The following CELF2 variants were observed in gnomAD, a reference collection of about 807,000 sequenced individuals.
The protein encoded by CELF2 is CUGBP Elav-like family member 2.
Under a neutral mutation model 62.6 loss-of-function variants are expected in CELF2, and 8 were observed. The observed-to-expected ratio is 0.13, with a 90% CI of 0.07 to 0.23. The LOEUF is 0.23. Among genes scored for constraint, CELF2 ranks in the 10% least tolerant of loss-of-function variants. The pLI is 1.00. For missense variants in CELF2, 333 were observed against 671.0 expected (o/e 0.50, Z 5.56); for synonymous variants, 258 against 250.0 (o/e 1.03, Z -0.30).
At chr10:11,013,442 G>T (rs1364697170), upstream of CELF2, among the ~76,000 whole-genome samples, 1 of 152,142 alleles carries the variant, frequency 6.6e-6, no homozygotes, top group Non-Finnish European at 1.5e-5. This position sits in a 1 kb window ranked among gnomAD's most constrained non-coding sequence, Gnocchi z 4.1. Flanking sequence ...CCACGCTAGT[G>T]GGGTCCCTCC....
the CELF2 span, among the ~76,000 whole-genome samples, chr10:10,595,728 TC>T: frequency 6.6e-6 from 1 of 152,102 alleles, no homozygotes; most frequent in Non-Finnish European, 1.5e-5. Context: ...AACCCCCATC[TC>T]TACAAAAAAT....
intron 1 of CELF2, among the ~76,000 whole-genome samples, chr10:10,870,226 C>T (rs7904832): frequency 0.3 from 45,049 of 151,520 alleles, 8,142 homozygotes; most frequent in East Asian, 0.73. Flanking sequence ...AATAAATATA[C>T]TTTAAAAGAT....
chr10:11,239,421 G>C (rs2072917403), intron 3 of CELF2, among the ~76,000 whole-genome samples: 1 of 152,262 alleles, frequency 6.6e-6, no homozygotes, highest in East Asian at 1.9e-4. Flanking sequence ...AGGTGACCGA[G>C]AAAGGCCATT....
At chr10:11,167,257 G>C (rs2067490360) in intron 2 of CELF2, among the ~76,000 whole-genome samples, 1 of 152,188 alleles carries the variant, frequency 6.6e-6, no homozygotes, top group Non-Finnish European at 1.5e-5. Context: ...AAAGACAATA[G>C]GCTAGAGCTA....
chr10:10,659,772 C>G, the CELF2 span, among the ~76,000 whole-genome samples: 213 of 152,312 alleles, frequency 1.4e-3, 1 homozygote, highest in African/African-American at 4.9e-3. Context: ...CCAGCCCTAC[C>G]TGGCCTCTCC....
chr10:10,829,023 A>C (rs2057635783), intron 1 of CELF2, among the ~76,000 whole-genome samples: 1 of 152,240 alleles, frequency 6.6e-6, no homozygotes, highest in African/African-American at 2.4e-5. Flanking sequence ...AGAGGGGATC[A>C]AATGGAAAAG....
chr10:10,737,188 A>G, the CELF2 span, among the ~76,000 whole-genome samples: 3 of 152,144 alleles, frequency 2.0e-5, no homozygotes, highest in African/African-American at 7.2e-5. Context: ...CAAATGTTTG[A>G]AACGTTATCT....
chr10:10,564,646 A>ACACACACACACACACACACACACACACG, the CELF2 span, among the ~76,000 whole-genome samples: 1 of 87,224 alleles, frequency 1.1e-5, no homozygotes, highest in African/African-American at 5.7e-5. Flanking sequence ...CTGAATACAC[A>ACACACACACACACACACACACACACACG]CACACACACA....
chr10:10,742,313 C>G, the CELF2 span, among the ~76,000 whole-genome samples: 2 of 151,976 alleles, frequency 1.3e-5, no homozygotes, highest in Non-Finnish European at 2.9e-5. Flanking sequence ...ATCCATACAC[C>G]CTTTTCTCCA....
At chr10:10,554,137 A>G in the CELF2 span, among the ~76,000 whole-genome samples, 1 of 152,006 alleles carries the variant, frequency 6.6e-6, no homozygotes. Context: ...CTGATATAAG[A>G]GTGATAAGGG....
intron 2 of CELF2, among the ~76,000 whole-genome samples, chr10:11,198,378 G>A (rs1192087056): frequency 6.6e-6 from 1 of 152,184 alleles, no homozygotes; most frequent in Non-Finnish European, 1.5e-5. Context: ...GGTTGTGATG[G>A]TCAGACCTCC....
Position 10,975,794 on chromosome 10 carries a change from C to T in CELF2, c.89+55795C>T, listed in dbSNP as rs544072118. ...TCTTGGCTTCATTCAGGAAAGAAAT[C>T]GAGGGCAAGCCAGTGGTGTGAGAGA... On this transcript the variant is annotated intron_variant, in intron 2 of 13. Coordinates refer to the CELF2 transcript ENST00000636488. 5.3e-5 allele frequency among the ~76,000 whole-genome samples: 8 copies of T among 152,334 alleles called. No individual in the cohort carries two copies. In the East Asian group the frequency reaches 7.7e-4, roughly 15 times the overall value.
rs141738695 is a variant in CELF2, at chr10:11,067,399, G to C, written c.74+49236G>C. Among the ~76,000 whole-genome samples the C allele has an allele frequency of 1.2e-4, 18 of 152,310 alleles. No homozygotes were observed. The East Asian group carries it at 3.1e-3, about 26-fold the overall frequency. ...TTTCTGAATTTGCTAAGTAAAACTT[G>C]CTTGCAAATGTGTAATATCTGTAGC... On this transcript the variant is annotated intron_variant, in intron 1 of 12. Coordinates refer to ENST00000633077, the MANE Select transcript of CELF2 (RefSeq NM_001326342.2).
chr10:11,145,378 C>T lies in CELF2; in HGVS notation c.75-20108C>T, dbSNP rs969495721. ...GATTCAGGAGCGTCTCTGAAAGGTGCTTTGTGCTGACCAAGCAAATAATAG... is the reference window on the plus strand; with the variant it reads ...GATTCAGGAGCGTCTCTGAAAGGTGTTTTGTGCTGACCAAGCAAATAATAG... On this transcript the variant is annotated intron_variant, in intron 1 of 12. Coordinates refer to ENST00000633077, the MANE Select transcript of CELF2 (RefSeq NM_001326342.2). This position sits in a 1 kb window ranked among gnomAD's most constrained non-coding sequence, Gnocchi z 4.3. Among the ~76,000 whole-genome samples the T allele has an allele frequency of 1.3e-5, 2 of 152,204 alleles. No homozygotes were observed. The highest frequency in any genetic ancestry group is 2.9e-5 in the Non-Finnish European group (2 of 68,042).
intron 7 of CELF2, 25 bp from the exon 8 acceptor site, chr10:11,275,032 T>G (rs1268462820): frequency 6.2e-7 from 1 of 1,612,782 alleles, no homozygotes; most frequent in Non-Finnish European, 8.5e-7. Context: ...CCGTCTCCAC[T>G]TTGCCCTTGT....
chr10:10,539,864 A>G, the CELF2 span, among the ~76,000 whole-genome samples: 1 of 152,368 alleles, frequency 6.6e-6, no homozygotes, highest in East Asian at 1.9e-4. Flanking sequence ...GCAGAAAGTA[A>G]GACGATAAGC....
the CELF2 span, among the ~76,000 whole-genome samples, chr10:10,643,396 A>G: frequency 1.3e-5 from 2 of 152,156 alleles, no homozygotes; most frequent in African/African-American, 4.8e-5. Flanking sequence ...GTTCCCCTGC[A>G]CATGCTCTCT....
intron 2 of CELF2, among the ~76,000 whole-genome samples, chr10:10,950,394 T>G (rs1343052234): frequency 1.3e-5 from 2 of 152,128 alleles, no homozygotes; most frequent in Non-Finnish European, 2.9e-5. Context: ...GAGTCAGGAT[T>G]TCACATGGGG....
At position 10,904,684 on chromosome 10, in the gene CELF2, C is replaced by T. The variant is rs866234406; in HGVS notation, c.54-15280C>T. ...GACGTCGCTGTGATTAATGCCCATG[C>T]GCCTGCCTCTGGTACACTTGGGGAG... On this transcript the variant is annotated intron_variant, in intron 1 of 13. Transcript: ENST00000636488. Among the ~76,000 whole-genome samples, 19 of 152,318 alleles carry T rather than the reference C, an allele frequency of 1.2e-4. No individual in the cohort carries two copies. In the South Asian group the frequency reaches 1.4e-3, roughly 12 times the overall value.
Sources: allele counts gnomAD v4.1 joint callset (sites outside exome capture counted in the v4.1 genomes callset), GRCh38; gene constraint gnomAD v4.1.1; non-coding constraint Gnocchi (gnomAD v3.1); transcripts MANE v1.5; gene names NCBI Gene and HGNC (gene_info 2026-07-23, HGNC 2026-07-21).